GALNT5: variants seen among roughly 807,000 people sequenced by gnomAD.
GALNT5 encodes the protein polypeptide N-acetylgalactosaminyltransferase 5, also known as UDP-GalNAc:polypeptide N-acetylgalactosaminyltransferase 5.
GALNT5 carries 72 observed loss-of-function variants against 85.4 expected under a neutral mutation model. The observed-to-expected ratio is 0.84, with a 90% CI of 0.70 to 1.03. The LOEUF is 1.03. Ranked by LOEUF, GALNT5 falls within the 50% of genes least tolerant of loss-of-function variation. The pLI, the probability that GALNT5 is intolerant of heterozygous loss-of-function variation, is 0.00. For missense variants in GALNT5, 1,137 were observed against 1,135.5 expected (o/e 1.00, Z -0.02); for synonymous variants, 404 against 397.0 (o/e 1.02, Z -0.21).
rs201143254 is a variant in GALNT5 at position 157,262,634 on chromosome 2, AAAC to A, written c.1454+3125_1454+3127del. 8.2e-4 allele frequency among the ~76,000 whole-genome samples: 113 copies of A among 136,996 alleles called. 1 individual carries two copies. The South Asian group carries it at 0.021, about 25-fold the overall frequency. The allele number at this position is 136,996 out of a possible 152,430, so 89.9% of individuals were successfully genotyped here. On this transcript the variant is annotated intron_variant, in intron 1 of 9. Coordinates refer to ENST00000259056, the MANE Select transcript of GALNT5 (RefSeq NM_014568.3). Reference sequence around the variant, plus strand: ...TGACAGAATAAGACCTTGTCTCAGAAAACAACAACAACAACAACAACAACAACA... The same window carrying A: ...TGACAGAATAAGACCTTGTCTCAGAAAACAACAACAACAACAACAACAACA...
At chr2:157,268,323 G>A (rs371339833) in intron 1 of GALNT5, among the ~76,000 whole-genome samples, 4 of 152,130 alleles carry the variant, frequency 2.6e-5, no homozygotes, top group East Asian at 3.8e-4. Flanking sequence ...AGGGTGGGAC[G>A]CATCACTTTC....
chr2:157,261,756 G>A (rs559882357), intron 1 of GALNT5, among the ~76,000 whole-genome samples: 39 of 152,218 alleles, frequency 2.6e-4, no homozygotes, highest in African/African-American at 9.1e-4. Context: ...ATAGATAAAG[G>A]TTAAAGAAAA....
intron 1 of GALNT5, among the ~76,000 whole-genome samples, chr2:157,262,398 A>G (rs1440134799): frequency 6.6e-6 from 1 of 152,126 alleles, no homozygotes; most frequent in Non-Finnish European, 1.5e-5. Context: ...GCACTTTGGG[A>G]GGACATGGTT....
intron 3 of GALNT5, among the ~76,000 whole-genome samples, chr2:157,287,250 G>T (rs1405993043): frequency 1.3e-5 from 2 of 152,110 alleles, no homozygotes; most frequent in African/African-American, 4.8e-5. Context: ...TTTACCCAAT[G>T]GTTTTTAGTA....
chr2:157,304,970 C>T (rs1400669519), intron 7 of GALNT5, among the ~76,000 whole-genome samples: 1 of 152,132 alleles, frequency 6.6e-6, no homozygotes, highest in Non-Finnish European at 1.5e-5. Context: ...AGGAGGCTTT[C>T]CCAGGACATG....
intron 3 of GALNT5, among the ~76,000 whole-genome samples, chr2:157,291,937 A>G (rs568686349): frequency 6.6e-6 from 1 of 152,336 alleles, no homozygotes; most frequent in South Asian, 2.1e-4. Context: ...GGTGATTGAT[A>G]TGCTAATTAC....
intron 1 of GALNT5, among the ~76,000 whole-genome samples, chr2:157,269,873 T>G (rs559705332): frequency 6.6e-6 from 1 of 152,172 alleles, no homozygotes; most frequent in African/African-American, 2.4e-5. Flanking sequence ...ATTTTAACCA[T>G]AAAGCAACTC....
chr2:157,270,001 G>C (rs1201755317), intron 1 of GALNT5, among the ~76,000 whole-genome samples: 2 of 151,646 alleles, frequency 1.3e-5, no homozygotes, highest in East Asian at 3.9e-4. Flanking sequence ...AAATGTAACT[G>C]TGAAATGTGA....
chr2:157,270,756 A>G (rs1682565018), intron 1 of GALNT5, among the ~76,000 whole-genome samples: 1 of 152,214 alleles, frequency 6.6e-6, no homozygotes, highest in Non-Finnish European at 1.5e-5. Flanking sequence ...AGATAAGGAA[A>G]TAAGATTGAT....
chr2:157,300,585 G>C (rs1683319458), intron 6 of GALNT5, 91 bp from the exon 7 acceptor site: 1 of 969,498 alleles, frequency 1.0e-6, no homozygotes. Flanking sequence ...CTTCAGGTAG[G>C]GGGAAACAAG....
intron 1 of GALNT5, among the ~76,000 whole-genome samples, chr2:157,284,052 CG>C (rs1307584914): frequency 6.6e-6 from 1 of 152,070 alleles, no homozygotes; most frequent in Non-Finnish European, 1.5e-5. Flanking sequence ...ACCACGGTTA[CG>C]GGTAATTCTT....
At chr2:157,264,400 A>G (rs140508330) in intron 1 of GALNT5, among the ~76,000 whole-genome samples, 52 of 152,320 alleles carry the variant, frequency 3.4e-4, no homozygotes, top group African/African-American at 1.2e-3. Context: ...TTTAAAGTAC[A>G]ATAAGAATTC....
At chr2:157,270,361 T>G (rs1186685739) in intron 1 of GALNT5, among the ~76,000 whole-genome samples, 1 of 152,230 alleles carries the variant, frequency 6.6e-6, no homozygotes, top group Non-Finnish European at 1.5e-5. Context: ...AAGTGCTCAC[T>G]GCCCCTCTGA....
At chr2:157,275,415 A>G (rs1682700343) in intron 1 of GALNT5, among the ~76,000 whole-genome samples, 1 of 152,108 alleles carries the variant, frequency 6.6e-6, no homozygotes, top group African/African-American at 2.4e-5. Flanking sequence ...ATAAATTACT[A>G]TGGGCAGTAT....
At chr2:157,268,493 A>G (rs1305636436) in intron 1 of GALNT5, among the ~76,000 whole-genome samples, 4 of 152,204 alleles carry the variant, frequency 2.6e-5, no homozygotes, top group Admixed American at 2.6e-4. Context: ...ATATTTTTAC[A>G]TCCATTATCT....
intron 5 of GALNT5, among the ~76,000 whole-genome samples, chr2:157,297,755 C>T (rs1683245589): frequency 6.6e-6 from 1 of 152,164 alleles, no homozygotes; most frequent in African/African-American, 2.4e-5. Context: ...ATACCCTAAG[C>T]ACAAAGCAGG....
At chr2:157,275,659 T>A (rs969568547) in intron 1 of GALNT5, among the ~76,000 whole-genome samples, 11 of 152,366 alleles carry the variant, frequency 7.2e-5, no homozygotes, top group African/African-American at 2.4e-4. Flanking sequence ...TGCTTGTGAT[T>A]TCTGCACATT....
At position 157,266,698 on chromosome 2, in the gene GALNT5, T is replaced by C. The variant is rs749630684; in HGVS notation, c.1454+7162T>C. Among the ~76,000 whole-genome samples the C allele has an allele frequency of 8.5e-5, 13 of 152,326 alleles. No homozygotes were observed. In the Middle Eastern group the frequency reaches 0.01, roughly 120 times the overall value. On this transcript the variant is annotated intron_variant, in intron 1 of 9. Coordinates refer to ENST00000259056, the MANE Select transcript of GALNT5 (RefSeq NM_014568.3). The stretch of plus-strand genomic sequence containing the variant: ...TGTAAAAGAATAAATGATTTATCCA[T>C]TGTCCCAGCAAACTAATAGCAAATT...
intron 1 of GALNT5, among the ~76,000 whole-genome samples, chr2:157,265,390 C>T (rs1418294294): frequency 6.6e-6 from 1 of 152,170 alleles, no homozygotes; most frequent in Non-Finnish European, 1.5e-5. Context: ...AAGCACAATT[C>T]TGCTACTAGT....
Sources: allele counts gnomAD v4.1 joint callset (sites outside exome capture counted in the v4.1 genomes callset), GRCh38; gene constraint gnomAD v4.1.1; transcripts MANE v1.5; gene names NCBI Gene and HGNC (gene_info 2026-07-23, HGNC 2026-07-21).